The following GLMN variants were observed in gnomAD, a reference collection of about 807,000 sequenced individuals.
GLMN encodes glomulin.
In GLMN, 75 loss-of-function variants were observed where a neutral mutation model predicts 87.8. That is an observed-to-expected ratio of 0.85 (90% CI 0.71 to 1.04). The LOEUF (loss-of-function observed/expected upper bound fraction) is 1.04. Among genes scored for constraint, GLMN ranks in the 50% least tolerant of loss-of-function variants. The pLI, the probability that GLMN is intolerant of heterozygous loss-of-function variation, is 0.00. For missense variants in GLMN, 588 were observed against 658.8 expected, an observed-to-expected ratio of 0.89 and a Z score of 1.18; for synonymous variants, 206 against 221.6, an observed-to-expected ratio of 0.93 and a Z score of 0.63.
chr1:92,291,588 C>T (rs368115413), intron 3 of GLMN, 51 bp from the exon 4 acceptor site: 13 of 1,583,996 alleles, frequency 8.2e-6, no homozygotes, highest in South Asian at 3.3e-5. Context: ...ATAGGACTCT[C>T]GCAGTGTGCT....
chr1:92,251,794 CTTTTTTT>C lies in GLMN; in HGVS notation c.1474-3812_1474-3806del, dbSNP rs35251154. ...ATTCTTTTAAATCTGATTCCCAAAA[CTTTTTTT>C]TTTTTTTTTAAGATGGTGTCTTCTT... On this transcript the variant is annotated intron_variant, in intron 16 of 18. Coordinates refer to ENST00000370360, the MANE Select transcript of GLMN (RefSeq NM_053274.3). 2.1e-5 allele frequency among the ~76,000 whole-genome samples: 3 copies of C among 143,062 alleles called. 1 individual carries two copies. Among genetic ancestry groups the C allele is most frequent in the African/African-American group, 5.1e-5 (2 of 38,868 alleles). The allele number at this position is 143,062 out of a possible 152,430, so 93.9% of individuals were successfully genotyped here. A position where few individuals can be genotyped will look rare whatever the true frequency, so the allele number is the denominator to read the frequency against.
the GLMN span, among the ~76,000 whole-genome samples, chr1:92,345,675 T>C: frequency 1.3e-5 from 2 of 152,134 alleles, no homozygotes; most frequent in Non-Finnish European, 2.9e-5. Context: ...TATCAGATAG[T>C]GACTATTGAG....
At chr1:92,322,335 G>A in the GLMN span, among the ~76,000 whole-genome samples, 275 of 151,384 alleles carry the variant, frequency 1.8e-3, 1 homozygote, top group Non-Finnish European at 3.2e-3. Flanking sequence ...ACTTGAGGTC[G>A]GGAGTTTGAG....
the GLMN span, among the ~76,000 whole-genome samples, chr1:92,352,500 A>G: frequency 6.6e-6 from 1 of 152,200 alleles, no homozygotes. Context: ...ATCTGTGAAC[A>G]TACCATGAAA....
chr1:92,362,834 G>A, the GLMN span, among the ~76,000 whole-genome samples: 3,595 of 152,160 alleles, frequency 0.024, 100 homozygotes, highest in African/African-American at 0.066. Flanking sequence ...AATGTTTCAT[G>A]AGAATAAAAA....
At chr1:92,258,455 T>C (rs1273621395) in intron 16 of GLMN, among the ~76,000 whole-genome samples, 1 of 152,196 alleles carries the variant, frequency 6.6e-6, no homozygotes, top group East Asian at 1.9e-4. Context: ...CATGCACATG[T>C]ATGTTTACTG....
chr1:92,341,710 T>C, the GLMN span, among the ~76,000 whole-genome samples: 11 of 152,220 alleles, frequency 7.2e-5, no homozygotes, highest in African/African-American at 2.4e-4. Context: ...AGTGGCATAA[T>C]CTTGGCTCAC....
intron 16 of GLMN, 113 bp downstream of exon 16, chr1:92,262,750 C>T (rs1655192616): frequency 4.9e-6 from 3 of 608,776 alleles, no homozygotes; most frequent in Non-Finnish European, 9.3e-6. Flanking sequence ...GCACTCTTCC[C>T]GGCCTTTATA....
chr1:92,249,359 T>A (rs886770894), intron 16 of GLMN, among the ~76,000 whole-genome samples: 1 of 151,884 alleles, frequency 6.6e-6, no homozygotes, highest in African/African-American at 2.4e-5. Flanking sequence ...AAAGTTTTCT[T>A]AACCTCTAAT....
At position 92,291,867 on chromosome 1, in the gene GLMN, T is replaced by C. The variant is rs545058109; in HGVS notation, c.166-330A>G. 2.0e-5 allele frequency among the ~76,000 whole-genome samples: 3 copies of C among 152,294 alleles called. No homozygotes were observed. The South Asian group carries it at 6.2e-4, about 32-fold the overall frequency. Reference sequence around the variant, plus strand: ...AGGTACTTAACTTCCACAGACAATTTTGCTCCCCTTATTCATAAAGAAATC... The same window carrying C: ...AGGTACTTAACTTCCACAGACAATTCTGCTCCCCTTATTCATAAAGAAATC... On this transcript the variant is annotated intron_variant, in intron 3 of 18. Coordinates refer to ENST00000370360, the MANE Select transcript of GLMN (RefSeq NM_053274.3).
Position 92,248,009 on chromosome 1 carries a change from GA to G in GLMN, c.1474-21del. 1 of 944,544 alleles carries G rather than the reference GA, an allele frequency of 1.1e-6. No homozygotes were observed. Among genetic ancestry groups the G allele is most frequent in the Non-Finnish European group, 1.7e-6 (1 of 572,736 alleles). The allele number at this position is 944,544 out of a possible 1,614,324, so 58.5% of individuals were successfully genotyped here. The stretch of plus-strand genomic sequence containing the variant: ...TCCAGTCTGTTAAGAATGAAAGAAT[GA>G]GTTATTTAGTTCAACAATGATTGAT... On this transcript the variant is annotated intron_variant, in intron 16 of 18. Coordinates refer to ENST00000370360, the MANE Select transcript of GLMN (RefSeq NM_053274.3).
At chr1:92,370,107 ACTC>A in the GLMN span, among the ~76,000 whole-genome samples, 1 of 150,562 alleles carries the variant, frequency 6.6e-6, no homozygotes, top group Non-Finnish European at 1.5e-5. Context: ...CTTGTCTTGA[ACTC>A]CTGGCCAAAA....
intron 2 of GLMN, 91 bp downstream of exon 2, chr1:92,297,870 A>G: frequency 1.3e-6 from 1 of 752,850 alleles, no homozygotes; most frequent in Non-Finnish European, 2.4e-6. Context: ...AAGAAGATAA[A>G]CAATTTGAGT....
Position 92,269,776 on chromosome 1 carries a change from G to A in GLMN, c.924C>T (p.Ser308=), listed in dbSNP as rs1371030400. The A allele has an allele frequency of 6.3e-7, 1 of 1,590,734 alleles. No homozygotes were observed. The highest frequency in any genetic ancestry group is 8.6e-7 in the Non-Finnish European group (1 of 1,158,940). ...TATTAAACTGCAAAAGGTACAATGG[G>A]CTAAAATAGAAACAAAACAAATATA... The part of the protein sequence containing the change: ...IHIDQLPMVL[S]PLYLLQFNMG... Residue 308 remains serine, a splice_region_variant and synonymous_variant, in exon 9 of 19, where the codon AGC becomes AGT. Transcript: ENST00000370360.
intron 7 of GLMN, among the ~76,000 whole-genome samples, chr1:92,276,059 A>G (rs1181903354): frequency 5.9e-5 from 9 of 151,838 alleles, no homozygotes; most frequent in South Asian, 2.1e-4. Context: ...TCACCTTTAC[A>G]AAACAAAAAT....
chr1:92,357,310 G>C, the GLMN span, among the ~76,000 whole-genome samples: 1 of 152,204 alleles, frequency 6.6e-6, no homozygotes, highest in South Asian at 2.1e-4. Context: ...AAAGAAAAAG[G>C]CACAAAATAT....
At chr1:92,249,075 A>G (rs2100775082) in intron 16 of GLMN, among the ~76,000 whole-genome samples, 1 of 152,244 alleles carries the variant, frequency 6.6e-6, no homozygotes, top group South Asian at 2.1e-4. Context: ...AACATAATGG[A>G]AAAACTATAC....
At chr1:92,367,480 T>C in the GLMN span, among the ~76,000 whole-genome samples, 1 of 152,344 alleles carries the variant, frequency 6.6e-6, no homozygotes, top group Non-Finnish European at 1.5e-5. Context: ...AGAAATAATC[T>C]TCCTACCTTC....
At chr1:92,370,833 C>T in the GLMN span, among the ~76,000 whole-genome samples, 1 of 151,772 alleles carries the variant, frequency 6.6e-6, no homozygotes, top group South Asian at 2.1e-4. Context: ...TTCTCATTTA[C>T]CTAAAAAAAA....
Sources: gnomAD v4.1 joint callset for allele counts (sites outside exome capture counted in the v4.1 genomes callset) on GRCh38, gnomAD v4.1.1 for gene constraint, MANE v1.5 for transcripts, NCBI Gene and HGNC (gene_info 2026-07-23, HGNC 2026-07-21) for gene names.